Variants in TTC12 observed in about 807,000 individuals in gnomAD.
The protein encoded by TTC12 is tetratricopeptide repeat domain 12.
In TTC12, 70 loss-of-function variants were observed where a neutral mutation model predicts 90.1. The ratio of observed to expected loss-of-function variants is 0.78; its 90% CI spans 0.64 to 0.95. The LOEUF (loss-of-function observed/expected upper bound fraction) is 0.95. TTC12 is among the 40% of genes least tolerant of loss of function. The pLI is 0.00. For synonymous variants in TTC12, 296 were observed against 311.5 expected (o/e 0.95, Z 0.53); for missense variants, 819 against 846.1 (o/e 0.97, Z 0.40).
At chr11:113,366,598 C>T (rs1487512616), downstream of TTC12, among the ~76,000 whole-genome samples, 1 of 152,204 alleles carries the variant, frequency 6.6e-6, no homozygotes, top group Non-Finnish European at 1.5e-5. Flanking sequence ...CTTGTAGCAA[C>T]GATTCTAGAT....
intron 13 of TTC12, among the ~76,000 whole-genome samples, chr11:113,345,432 C>T (rs1948896509): frequency 6.9e-6 from 1 of 144,658 alleles, no homozygotes; most frequent in South Asian, 2.2e-4. Flanking sequence ...GTTCTGAGGA[C>T]CCAGCTCCGC....
At chr11:113,373,288 T>A (rs1475618360) in exon 22 of TTC12, 15 of 924,760 alleles carry the variant, frequency 1.6e-5, no homozygotes, top group Non-Finnish European at 1.9e-5. Flanking sequence ...ATGACTTCAT[T>A]GTTATGAAAT....
chr11:113,368,490 G>A, downstream of TTC12: 1 of 1,550,444 alleles, frequency 6.4e-7, no homozygotes, highest in South Asian at 1.2e-5. Flanking sequence ...GGTTCAACAA[G>A]CAGAGGAGCT....
chr11:113,371,247 A>G (rs1308149723), downstream of TTC12, among the ~76,000 whole-genome samples: 1 of 152,238 alleles, frequency 6.6e-6, no homozygotes, highest in Non-Finnish European at 1.5e-5. Context: ...TATGAAATGC[A>G]TCATATTTGC....
chr11:113,348,372 C>T (rs1393771058), intron 13 of TTC12, among the ~76,000 whole-genome samples: 1 of 152,180 alleles, frequency 6.6e-6, no homozygotes, highest in East Asian at 1.9e-4. Flanking sequence ...TCATTTTCTT[C>T]TAGTTCTCCT....
At chr11:113,350,865 C>T (rs1408846008) in intron 14 of TTC12, among the ~76,000 whole-genome samples, 1 of 152,216 alleles carries the variant, frequency 6.6e-6, no homozygotes, top group Non-Finnish European at 1.5e-5. Flanking sequence ...CCAGGCCCTC[C>T]CAGTGGCTCC....
intron 6 of TTC12, among the ~76,000 whole-genome samples, chr11:113,328,878 A>G (rs782548340): frequency 6.6e-6 from 1 of 152,186 alleles, no homozygotes; most frequent in Non-Finnish European, 1.5e-5. Context: ...AAATGAAATC[A>G]TACATTTGTC....
At chr11:113,340,558 C>T (rs1373604897) in intron 10 of TTC12, 106 bp from the exon 11 acceptor site, 11 of 789,272 alleles carry the variant, frequency 1.4e-5, no homozygotes, top group South Asian at 2.9e-5. Context: ...ACGTGGGTAC[C>T]GTGGCATTCC....
chr11:113,368,641 G>A (rs184851736), downstream of TTC12: 3,699 of 777,816 alleles, frequency 4.8e-3, 21 homozygotes, highest in Admixed American at 0.013. Flanking sequence ...GTTCCAGTGC[G>A]CCGCAAGGTG....
At chr11:113,344,229 C>T (rs781946040) in intron 12 of TTC12, 43 bp from the exon 13 acceptor site, 1 of 1,573,868 alleles carries the variant, frequency 6.4e-7, no homozygotes, top group East Asian at 2.3e-5. Context: ...AGTTTAATTG[C>T]CATGATGGCA....
At chr11:113,367,197 T>C (rs886792497), downstream of TTC12, among the ~76,000 whole-genome samples, 2 of 152,126 alleles carry the variant, frequency 1.3e-5, no homozygotes, top group African/African-American at 4.8e-5. Flanking sequence ...CATTTTAGAG[T>C]AGGAGGCAGG....
chr11:113,322,489 G>A (rs1947400910), intron 2 of TTC12, among the ~76,000 whole-genome samples: 1 of 152,102 alleles, frequency 6.6e-6, no homozygotes. Flanking sequence ...GAAGTCGATG[G>A]CATCTCTTTC....
At chr11:113,340,256 C>T (rs1334163650) in intron 10 of TTC12, among the ~76,000 whole-genome samples, 3 of 152,236 alleles carry the variant, frequency 2.0e-5, no homozygotes, top group African/African-American at 7.2e-5. Flanking sequence ...TCCCCTTCAG[C>T]AGTTTCTTGG....
chr11:113,324,073 G>T, intron 4 of TTC12, 58 bp downstream of exon 4: 4 of 1,401,340 alleles, frequency 2.9e-6, no homozygotes. Context: ...AGTTTTGATT[G>T]ATTGTAGCTC....
chr11:113,359,874 G>A (rs544480253), intron 17 of TTC12, 66 bp from the exon 18 acceptor site: 1 of 1,310,632 alleles, frequency 7.6e-7, no homozygotes, highest in East Asian at 2.5e-5. Context: ...CTCAGAAGAA[G>A]CTCCGCTGAG....
intron 19 of TTC12, among the ~76,000 whole-genome samples, 156 bp from the exon 20 acceptor site, chr11:113,363,672 C>T (rs1950057334): frequency 6.6e-6 from 1 of 152,210 alleles, no homozygotes; most frequent in Non-Finnish European, 1.5e-5. Flanking sequence ...CAGCAGGGAC[C>T]ATGCCTGCCC....
At chr11:113,325,899 G>A (rs559939132) in intron 6 of TTC12, among the ~76,000 whole-genome samples, 2 of 152,270 alleles carry the variant, frequency 1.3e-5, no homozygotes, top group African/African-American at 2.4e-5. Flanking sequence ...TCTCTCCATA[G>A]TATAAGTCAG....
intron 14 of TTC12, among the ~76,000 whole-genome samples, chr11:113,350,604 T>C (rs1346409183): frequency 6.6e-6 from 1 of 152,274 alleles, no homozygotes; most frequent in Non-Finnish European, 1.5e-5. Context: ...ATGACCTCCT[T>C]CTGCCCCATG....
chr11:113,350,192 C>T (rs1555149640), intron 14 of TTC12, 27 bp downstream of exon 14: 2 of 1,492,660 alleles, frequency 1.3e-6, no homozygotes, highest in Admixed American at 1.7e-5. Context: ...TAGAAATTGA[C>T]ATTTCTTCTT....
Sources: gnomAD v4.1 joint callset for allele counts (sites outside exome capture counted in the v4.1 genomes callset) on GRCh38, gnomAD v4.1.1 for gene constraint, MANE v1.5 for transcripts, NCBI Gene and HGNC (gene_info 2026-07-23, HGNC 2026-07-21) for gene names.